CNTNAP2: variants seen among roughly 807,000 people sequenced by gnomAD.
CNTNAP2 encodes the protein contactin associated protein 2.
CNTNAP2 carries 98 observed loss-of-function variants against 155.2 expected under a neutral mutation model. The ratio of observed to expected loss-of-function variants is 0.63; its 90% CI spans 0.54 to 0.75. CNTNAP2 has a LOEUF of 0.75. CNTNAP2 is among the 30% of genes least tolerant of loss of function. The probability of loss-of-function intolerance (pLI) is 0.00; values close to 1 mark genes in which losing one functional copy is unlikely to be tolerated. For synonymous variants in CNTNAP2, 651 were observed against 631.2 expected, an observed-to-expected ratio of 1.03 and a Z score of -0.47; for missense variants, 1,727 against 1,688.1, an observed-to-expected ratio of 1.02 and a Z score of -0.40.
At chr7:147,986,491 C>T (rs1689984711) in intron 15 of CNTNAP2, among the ~76,000 whole-genome samples, 2 of 152,160 alleles carry the variant, frequency 1.3e-5, no homozygotes, top group Non-Finnish European at 2.9e-5. Flanking sequence ...AGTGTCCTAA[C>T]AGTGGAAGCG....
At chr7:147,379,020 A>G (rs975462910) in intron 9 of CNTNAP2, among the ~76,000 whole-genome samples, 2 of 151,974 alleles carry the variant, frequency 1.3e-5, no homozygotes, top group African/African-American at 4.8e-5. Context: ...AGTTCTCACG[A>G]CATCTGATGG....
chr7:147,036,668 G>A (rs992099944), intron 3 of CNTNAP2, among the ~76,000 whole-genome samples: 2 of 152,074 alleles, frequency 1.3e-5, no homozygotes, highest in African/African-American at 4.8e-5. Context: ...TTCTTTCAAT[G>A]ATAAATTTGG....
intron 11 of CNTNAP2, among the ~76,000 whole-genome samples, chr7:147,524,190 T>C (rs1373799145): frequency 1.3e-5 from 2 of 152,198 alleles, no homozygotes; most frequent in African/African-American, 2.4e-5. Flanking sequence ...AAATATCCTT[T>C]TGCTATTACT....
intron 13 of CNTNAP2, among the ~76,000 whole-genome samples, chr7:147,771,549 T>C (rs1797469604): frequency 6.6e-6 from 1 of 152,202 alleles, no homozygotes; most frequent in South Asian, 2.1e-4. Context: ...GTGGATTTGC[T>C]TTGCTTCTTG....
chr7:147,258,835 A>C (rs1446744851), intron 8 of CNTNAP2, among the ~76,000 whole-genome samples: 2 of 152,200 alleles, frequency 1.3e-5, no homozygotes, highest in African/African-American at 2.4e-5. Context: ...TCCAGTGAAA[A>C]AGCATAGCAG....
rs1180638942 is a variant in CNTNAP2, at chr7:146,183,189, C to T, written c.97+66216C>T. On this transcript the variant is annotated intron_variant, in intron 1 of 23. Coordinates refer to ENST00000361727, the MANE Select transcript of CNTNAP2 (RefSeq NM_014141.6). ...CCAGTGCCTCTGTTATTACCTCCCA[C>T]CAGAGGATGCCAGGCCTTGAAGAAC... Among the ~76,000 whole-genome samples, 4 of 152,054 alleles carry T rather than the reference C, an allele frequency of 2.6e-5. No homozygotes were observed. In the East Asian group the frequency reaches 7.7e-4, roughly 29 times the overall value.
chr7:147,504,007 G>A (rs1798863714), intron 11 of CNTNAP2, among the ~76,000 whole-genome samples: 1 of 152,178 alleles, frequency 6.6e-6, no homozygotes, highest in Admixed American at 6.5e-5. Context: ...AAAAGCTGAG[G>A]TTCAAAGTTC....
chr7:146,626,679 C>A (rs1055724659), intron 1 of CNTNAP2, among the ~76,000 whole-genome samples: 1 of 151,960 alleles, frequency 6.6e-6, no homozygotes. Context: ...AAGACTAGAT[C>A]AAAGTCATAA....
chr7:147,796,582 TA>T (rs60131482), intron 13 of CNTNAP2, among the ~76,000 whole-genome samples: 80 of 102,864 alleles, frequency 7.8e-4, no homozygotes, highest in Middle Eastern at 0.012. Flanking sequence ...CAGGATTTAT[TA>T]AAAAAAAAAA....
At chr7:147,481,857 A>G (rs1798428302) in intron 10 of CNTNAP2, among the ~76,000 whole-genome samples, 1 of 152,234 alleles carries the variant, frequency 6.6e-6, no homozygotes, top group Non-Finnish European at 1.5e-5. Flanking sequence ...CTTTCAAGCT[A>G]GGACTTGCCA....
At chr7:146,238,707 G>T (rs1012016237) in intron 1 of CNTNAP2, among the ~76,000 whole-genome samples, 45 of 152,112 alleles carry the variant, frequency 3.0e-4, no homozygotes, top group African/African-American at 1.0e-3. Flanking sequence ...CCTATGACTG[G>T]GTAATTCATA....
intron 17 of CNTNAP2, among the ~76,000 whole-genome samples, chr7:148,164,456 G>T (rs1366180322): frequency 3.9e-5 from 6 of 152,142 alleles, no homozygotes; most frequent in Non-Finnish European, 5.9e-5. Context: ...ACACAGAGGA[G>T]TCCTAGCTCT....
chr7:147,730,627 A>G (rs534106340), intron 13 of CNTNAP2, among the ~76,000 whole-genome samples: 6 of 152,148 alleles, frequency 3.9e-5, no homozygotes, highest in East Asian at 1.9e-4. Context: ...ATTCCCAAAG[A>G]CACAATACTG....
chr7:146,576,650 C>T (rs996823921), intron 1 of CNTNAP2, among the ~76,000 whole-genome samples: 1 of 152,202 alleles, frequency 6.6e-6, no homozygotes, highest in Non-Finnish European at 1.5e-5. Context: ...AGTTGGTAAA[C>T]TCCCAGGTCA....
chr7:146,330,338 A>G (rs1235553020), intron 1 of CNTNAP2, among the ~76,000 whole-genome samples: 1 of 152,062 alleles, frequency 6.6e-6, no homozygotes, highest in Non-Finnish European at 1.5e-5. Flanking sequence ...GTACTTTCTT[A>G]TCACCAGTAA....
At chr7:147,951,269 G>A (rs934122584) in intron 14 of CNTNAP2, among the ~76,000 whole-genome samples, 4 of 152,158 alleles carry the variant, frequency 2.6e-5, no homozygotes, top group Non-Finnish European at 5.9e-5. Flanking sequence ...GTGAGGACAC[G>A]TAAGAACAAC....
At chr7:147,283,225 T>C (rs183583882) in intron 8 of CNTNAP2, among the ~76,000 whole-genome samples, 113 of 152,092 alleles carry the variant, frequency 7.4e-4, no homozygotes, top group African/African-American at 2.7e-3. Context: ...TTTTATGTTG[T>C]ACATTAAATA....
intron 1 of CNTNAP2, among the ~76,000 whole-genome samples, chr7:146,475,714 G>A (rs1168253611): frequency 6.6e-6 from 1 of 152,062 alleles, no homozygotes; most frequent in Non-Finnish European, 1.5e-5. Context: ...ATAGTGACAA[G>A]AAAAATGAAA....
At chr7:146,626,549 A>C (rs952774085) in intron 1 of CNTNAP2, among the ~76,000 whole-genome samples, 1 of 152,154 alleles carries the variant, frequency 6.6e-6, no homozygotes, top group Non-Finnish European at 1.5e-5. Flanking sequence ...TAATCTGAAT[A>C]CTTACTGGTA....
Sources: gnomAD v4.1 joint callset for allele counts (sites outside exome capture counted in the v4.1 genomes callset) on GRCh38, gnomAD v4.1.1 for gene constraint, MANE v1.5 for transcripts, NCBI Gene and HGNC (gene_info 2026-07-23, HGNC 2026-07-21) for gene names.